Variants in LRRFIP1 observed in about 807,000 individuals in gnomAD.
LRRFIP1 encodes leucine-rich repeat flightless-interacting protein 1.
In LRRFIP1, 62 loss-of-function variants were observed where a neutral mutation model predicts 104.4. The observed-to-expected ratio is 0.59, with a 90% CI of 0.48 to 0.73. The LOEUF (loss-of-function observed/expected upper bound fraction) is 0.73, where lower values mean the gene tolerates loss of function less well. LRRFIP1 is among the 30% of genes least tolerant of loss of function. The probability of loss-of-function intolerance (pLI) is 0.00; values close to 1 mark genes in which losing one functional copy is unlikely to be tolerated. For synonymous variants in LRRFIP1, 300 were observed against 299.0 expected (o/e 1.00, Z -0.03); for missense variants, 796 against 824.5 (o/e 0.97, Z 0.42).
chr2:237,693,923 G>T (rs959045872), intron 1 of LRRFIP1, among the ~76,000 whole-genome samples: 1 of 152,184 alleles, frequency 6.6e-6, no homozygotes, highest in African/African-American at 2.4e-5. Context: ...AGATGACTTC[G>T]AGATGCTGCC....
rs377346421 is a variant in LRRFIP1 at position 237,771,440 on chromosome 2, G to A, written c.1510-641G>A. 2.0e-5 allele frequency among the ~76,000 whole-genome samples: 3 copies of A among 151,968 alleles called. No homozygotes were observed. The East Asian group carries it at 5.8e-4, about 29-fold the overall frequency. On this transcript the variant is annotated intron_variant, in intron 20 of 23. Transcript: ENST00000308482. ...GTTGGGTATTAAAAGGAATCTAGAG[G>A]TGATTTAAAGTGTACCGGAGAATGC... is the stretch of plus-strand genomic sequence containing the variant.
intron 9 of LRRFIP1, among the ~76,000 whole-genome samples, chr2:237,735,000 T>C (rs899758511): frequency 1.6e-4 from 24 of 152,342 alleles, no homozygotes; most frequent in African/African-American, 5.5e-4. Flanking sequence ...AGGCCTGGGA[T>C]GTTTTCCAAA....
intron 1 of LRRFIP1, among the ~76,000 whole-genome samples, chr2:237,696,886 C>G (rs1488105142): frequency 2.0e-5 from 3 of 152,220 alleles, no homozygotes; most frequent in African/African-American, 7.2e-5. Context: ...TGAAGGATTT[C>G]TTTTTACCAA....
rs756431997 is a variant in LRRFIP1 at position 237,779,529 on chromosome 2, G to T, written c.1920G>T (p.Gln640His). ...ATCGGAGTGCACTCTTGTCCCAGCA[G>T]TAAATTCCAGCTCTGATCAGGCAAC... ...KANRSALLSQQ is the reference protein window; with the variant it reads ...KANRSALLSQH The change falls in exon 24 of 24, where the codon CAG (glutamine) becomes CAT (histidine). Residue 640 changes from glutamine (Q) to histidine (H), a missense_variant. Coordinates refer to ENST00000308482, the MANE Select transcript of LRRFIP1 (RefSeq NM_001137550.2). The T allele has an allele frequency of 1.1e-5, 17 of 1,612,552 alleles. No individual in the cohort carries two copies.
rs1283376966 is a variant in LRRFIP1, at chr2:237,739,250, C to T, written c.574C>T (p.His192Tyr). 6.4e-7 allele frequency: 1 copy of T among 1,564,896 alleles called. No homozygotes were observed. The highest frequency in any genetic ancestry group is 1.9e-5 in the Admixed American group (1 of 53,676). Residue 192 changes from histidine (H) to tyrosine (Y), a missense_variant, in exon 11 of 24, where the codon CAC (histidine) becomes TAC (tyrosine). Coordinates refer to ENST00000308482, the MANE Select transcript of LRRFIP1 (RefSeq NM_001137550.2). ...TGGGCAGCCCTCGGAGTACAGCGGC[C>T]ACCTCAACTCCAGCTCCCGCGCCTC... ...GSRAPSEYSG[H>Y]LNSSSRASSR...
rs1477766419 is a variant in LRRFIP1 at position 237,739,220 on chromosome 2, CTGTG to C, written c.556-9_556-6del. The stretch of plus-strand genomic sequence containing the variant: ...TTCTGGCTGCGTGTCCTGGCGGTGG[CTGTG>C]TGGGCAGCCCTCGGAGTACAGCGGC... On this transcript the variant is annotated splice_polypyrimidine_tract_variant and splice_region_variant and intron_variant, in intron 10 of 23. Transcript: ENST00000308482. The C allele has an allele frequency of 5.8e-5, 90 of 1,554,888 alleles. No homozygotes were observed. Among genetic ancestry groups the C allele is most frequent in the Non-Finnish European group, 7.7e-5 (88 of 1,149,406 alleles).
chr2:237,702,844 C>G lies in LRRFIP1; in HGVS notation c.97-5700C>G, dbSNP rs185484847. Reference sequence around the variant, plus strand: ...GGACTCAGCCAACAGTTTAAAGAGCCCTGTGCCCCCACTACCCAGCCTCAA... The same window carrying G: ...GGACTCAGCCAACAGTTTAAAGAGCGCTGTGCCCCCACTACCCAGCCTCAA... On this transcript the variant is annotated intron_variant, in intron 1 of 23. Coordinates refer to ENST00000308482, the MANE Select transcript of LRRFIP1 (RefSeq NM_001137550.2). Among the ~76,000 whole-genome samples, 339 of 152,222 alleles carry G rather than the reference C, an allele frequency of 2.2e-3. 9 individuals carry two copies. The East Asian group carries it at 0.046, about 21-fold the overall frequency.
chr2:237,757,889 C>T (rs1395629666), intron 17 of LRRFIP1, among the ~76,000 whole-genome samples: 2 of 151,638 alleles, frequency 1.3e-5, no homozygotes, highest in African/African-American at 2.4e-5. Flanking sequence ...CAAGTCCAGA[C>T]GTCTTGGGAT....
At chr2:237,672,673 C>T (rs1281695223) in intron 1 of LRRFIP1, among the ~76,000 whole-genome samples, 1 of 152,118 alleles carries the variant, frequency 6.6e-6, no homozygotes, top group Non-Finnish European at 1.5e-5. Flanking sequence ...CAATATTTGT[C>T]CTTGCCAGGA....
intron 1 of LRRFIP1, among the ~76,000 whole-genome samples, chr2:237,675,030 G>A (rs966364646): frequency 1.3e-5 from 2 of 152,224 alleles, no homozygotes; most frequent in Non-Finnish European, 2.9e-5. Context: ...CTGTTTCTGT[G>A]AGCGTCACCC....
Position 237,781,590 on chromosome 2 carries a change from A to G in LRRFIP1, c.*2058A>G, listed in dbSNP as rs1450836649. Among the ~76,000 whole-genome samples, 1 of 152,250 alleles carries G rather than the reference A, an allele frequency of 6.6e-6. No individual in the cohort carries two copies. On this transcript the variant is annotated 3_prime_UTR_variant, in exon 24 of 24. Transcript: ENST00000308482. ...CACACTTCCTAATCCAGAGGAAGCT[A>G]GAACACGATTTTTAAATTTATTTAG...
chr2:237,714,772 C>T (rs1178596938), intron 3 of LRRFIP1, among the ~76,000 whole-genome samples: 1 of 152,152 alleles, frequency 6.6e-6, no homozygotes, highest in Admixed American at 6.6e-5. Flanking sequence ...CATAAAATGA[C>T]GTGCCTCTCT....
intron 1 of LRRFIP1, chr2:237,692,193 C>G (rs1402047279): frequency 8.6e-6 from 9 of 1,050,560 alleles, no homozygotes; most frequent in Non-Finnish European, 1.0e-5. Flanking sequence ...GCCCGAGTCC[C>G]GCTTCCCCGG....
In LRRFIP1 at chr2:237,753,013, C is replaced by A. The variant is rs542366212; in HGVS notation, c.868-296C>A. On this transcript the variant is annotated intron_variant, in intron 14 of 23. Coordinates refer to ENST00000308482, the MANE Select transcript of LRRFIP1 (RefSeq NM_001137550.2). Reference sequence around the variant, plus strand: ...GGGATTCCCCAGCTACTGAGTGGGGCCAGAGACTCTACTGCCTCTGTGACC... The same window carrying A: ...GGGATTCCCCAGCTACTGAGTGGGGACAGAGACTCTACTGCCTCTGTGACC... 1.2e-4 allele frequency among the ~76,000 whole-genome samples: 19 copies of A among 152,296 alleles called. No individual in the cohort carries two copies. In the South Asian group the frequency reaches 3.7e-3, roughly 30 times the overall value.
chr2:237,704,883 A>G (rs1169637904), intron 1 of LRRFIP1, among the ~76,000 whole-genome samples: 3 of 152,206 alleles, frequency 2.0e-5, no homozygotes, highest in Non-Finnish European at 4.4e-5. Context: ...TTCCTTTATC[A>G]GCCCAAGCCC....
At chr2:237,660,702 C>A (rs899737914) in intron 1 of LRRFIP1, among the ~76,000 whole-genome samples, 2 of 152,188 alleles carry the variant, frequency 1.3e-5, no homozygotes, top group Non-Finnish European at 2.9e-5. Flanking sequence ...ACTGGTCAAA[C>A]CTGTTGCCAT....
At chr2:237,630,688 G>T (rs564782025) in intron 1 of LRRFIP1, among the ~76,000 whole-genome samples, 15 of 152,228 alleles carry the variant, frequency 9.9e-5, no homozygotes, top group African/African-American at 3.6e-4. Context: ...TTGACAAGGG[G>T]AAGTATATTG....
intron 23 of LRRFIP1, among the ~76,000 whole-genome samples, chr2:237,775,949 AT>A (rs1355766687): frequency 2.6e-5 from 4 of 151,734 alleles, no homozygotes; most frequent in Middle Eastern, 3.4e-3. Context: ...TTATTTATTT[AT>A]TTTATTTGAT....
Position 237,717,629 on chromosome 2 carries a change from T to C in LRRFIP1, c.202-133T>C. ...AGAAGCCAGGCCTGGTGCCGACTGC[T>C]TTGCCTTGGCGTGTTACCTTCACCA... On this transcript the variant is annotated intron_variant, in intron 3 of 23. Coordinates refer to ENST00000308482, the MANE Select transcript of LRRFIP1 (RefSeq NM_001137550.2). This position sits in a 1 kb window ranked among gnomAD's most constrained non-coding sequence, Gnocchi z 4.2. 2 of 773,834 alleles carry C rather than the reference T, an allele frequency of 2.6e-6. No homozygotes were observed. Among genetic ancestry groups the C allele is most frequent in the South Asian group, 2.8e-5 (2 of 71,064 alleles). The allele number at this position is 773,834 out of a possible 1,614,324, so 47.9% of individuals were successfully genotyped here. A position where few individuals can be genotyped will look rare whatever the true frequency, so the allele number is the denominator to read the frequency against.
Sources: allele counts gnomAD v4.1 joint callset (sites outside exome capture counted in the v4.1 genomes callset), GRCh38; gene constraint gnomAD v4.1.1; non-coding constraint Gnocchi (gnomAD v3.1); transcripts MANE v1.5; gene names NCBI Gene and HGNC (gene_info 2026-07-23, HGNC 2026-07-21).